The following GPATCH2 variants were observed in gnomAD, a reference collection of about 807,000 sequenced individuals.
GPATCH2 encodes G patch domain-containing protein 2.
Under a neutral mutation model 58.0 loss-of-function variants are expected in GPATCH2, and 51 were observed. The ratio of observed to expected loss-of-function variants is 0.88; its 90% confidence interval spans 0.70 to 1.11. The LOEUF (loss-of-function observed/expected upper bound fraction) is 1.11, where lower values mean the gene tolerates loss of function less well. Ranked by LOEUF, GPATCH2 falls within the 50% of genes most tolerant of loss-of-function variation. GPATCH2 has a pLI of 0.00. For missense variants in GPATCH2, 625 were observed against 652.2 expected (o/e 0.96, Z 0.45); for synonymous variants, 222 against 218.5 (o/e 1.02, Z -0.14).
At chr1:217,506,720 C>T (rs1571826455) in intron 6 of GPATCH2, among the ~76,000 whole-genome samples, 1 of 152,168 alleles carries the variant, frequency 6.6e-6, no homozygotes, top group East Asian at 1.9e-4. Context: ...TGCTCCTTGC[C>T]GAACCTTCTC....
chr1:217,484,186 TG>T (rs1661341876), intron 8 of GPATCH2, among the ~76,000 whole-genome samples: 1 of 152,172 alleles, frequency 6.6e-6, no homozygotes, highest in Non-Finnish European at 1.5e-5. Context: ...ATTGGTAGAC[TG>T]AGTAGATTTA....
chr1:217,526,850 A>G (rs909048545), intron 5 of GPATCH2, among the ~76,000 whole-genome samples: 25 of 152,158 alleles, frequency 1.6e-4, no homozygotes, highest in Admixed American at 2.6e-4. Flanking sequence ...GCTTCCTGAG[A>G]GATCAGTGGT....
intron 6 of GPATCH2, among the ~76,000 whole-genome samples, chr1:217,503,252 A>G (rs902157101): frequency 7.9e-5 from 12 of 152,132 alleles, no homozygotes; most frequent in Admixed American, 7.9e-4. Context: ...TGGAGGGGCC[A>G]CTGGTGAACT....
chr1:217,476,025 AAACT>A (rs775174898), intron 8 of GPATCH2, among the ~76,000 whole-genome samples: 8 of 152,256 alleles, frequency 5.3e-5, no homozygotes, highest in Non-Finnish European at 1.2e-4. Context: ...GCCACCAAGA[AAACT>A]AACTGAGAGG....
At chr1:217,630,446 T>G (rs867321591) in intron 1 of GPATCH2, among the ~76,000 whole-genome samples, 6 of 152,268 alleles carry the variant, frequency 3.9e-5, no homozygotes, top group Non-Finnish European at 8.8e-5. Context: ...AACAGGTAGG[T>G]TACCCTCTCT....
chr1:217,514,918 A>T (rs758161590), intron 5 of GPATCH2, 29 bp from the exon 6 acceptor site: 1 of 1,096,058 alleles, frequency 9.1e-7, no homozygotes, highest in Admixed American at 1.7e-5. Context: ...AGAAAAAATA[A>T]ATTTCAGATT....
chr1:217,551,462 C>G (rs935984960), intron 5 of GPATCH2, among the ~76,000 whole-genome samples: 1 of 152,050 alleles, frequency 6.6e-6, no homozygotes, highest in Non-Finnish European at 1.5e-5. Flanking sequence ...ATTTAACAAG[C>G]CTTCCAGCTG....
At position 217,431,491 on chromosome 1, in the gene GPATCH2, G is replaced by A. The variant is rs541240050; in HGVS notation, c.1367-126C>T. On this transcript the variant is annotated intron_variant, in intron 9 of 9. Coordinates refer to ENST00000366935, the MANE Select transcript of GPATCH2 (RefSeq NM_018040.5). ...TTTCAACCAGGTACTAGAGGGGGTT[G>A]CGTATTCATCTTTGGATACTTTTTG... 58 of 643,064 alleles carry A rather than the reference G, an allele frequency of 9.0e-5. No homozygotes were observed. The African/African-American group carries it at 9.3e-4, about 10-fold the overall frequency. 39.8% of individuals were successfully genotyped at this position (643,064 alleles called of 1,614,324 possible). A position where few individuals can be genotyped will look rare whatever the true frequency, so the allele number is the denominator to read the frequency against.
intron 5 of GPATCH2, among the ~76,000 whole-genome samples, chr1:217,593,239 G>C (rs1667672382): frequency 6.6e-6 from 1 of 151,924 alleles, no homozygotes; most frequent in Non-Finnish European, 1.5e-5. Context: ...TGGCACAAAT[G>C]TATCAAAAAC....
intron 1 of GPATCH2, among the ~76,000 whole-genome samples, chr1:217,627,360 G>A (rs942943275): frequency 2.6e-5 from 4 of 151,726 alleles, no homozygotes; most frequent in Non-Finnish European, 4.4e-5. Flanking sequence ...TCTGAATGTC[G>A]GGAAAAGGAA....
chr1:217,490,152 A>G (rs781741531), intron 8 of GPATCH2, among the ~76,000 whole-genome samples: 1 of 152,176 alleles, frequency 6.6e-6, no homozygotes, highest in Non-Finnish European at 1.5e-5. Context: ...CCAGGTACAT[A>G]GTTCCAGGTT....
intron 6 of GPATCH2, among the ~76,000 whole-genome samples, chr1:217,512,761 C>G (rs1662916716): frequency 1.3e-5 from 2 of 152,156 alleles, no homozygotes; most frequent in South Asian, 4.1e-4. Context: ...CTGTTTAGTT[C>G]CTTAGGCAGA....
chr1:217,511,117 T>C (rs1358975344), intron 6 of GPATCH2, among the ~76,000 whole-genome samples: 1 of 151,678 alleles, frequency 6.6e-6, no homozygotes, highest in African/African-American at 2.4e-5. Flanking sequence ...ATAAAATAAA[T>C]AAAATAAAAT....
intron 8 of GPATCH2, among the ~76,000 whole-genome samples, chr1:217,471,615 T>C (rs553881418): frequency 6.6e-6 from 1 of 152,214 alleles, no homozygotes; most frequent in African/African-American, 2.4e-5. Context: ...GTGTTCTGTA[T>C]TAATGTAAAT....
intron 5 of GPATCH2, among the ~76,000 whole-genome samples, chr1:217,525,166 C>T (rs1170459221): frequency 6.6e-6 from 1 of 151,768 alleles, no homozygotes; most frequent in Non-Finnish European, 1.5e-5. Flanking sequence ...ATTGTTCTCA[C>T]ATGTAACAAT....
chr1:217,547,993 C>T (rs12043318), intron 5 of GPATCH2, among the ~76,000 whole-genome samples: 34,286 of 152,072 alleles, frequency 0.23, 4,905 homozygotes, highest in East Asian at 0.45. Flanking sequence ...GCTTGCCTTC[C>T]TTTTGCCTTC....
chr1:217,578,728 T>A (rs1558499407), intron 5 of GPATCH2, among the ~76,000 whole-genome samples: 1 of 152,240 alleles, frequency 6.6e-6, no homozygotes, highest in Non-Finnish European at 1.5e-5. Context: ...ACTTACTACA[T>A]CTTTTGTCTT....
At chr1:217,563,904 C>T (rs1334203431) in intron 5 of GPATCH2, among the ~76,000 whole-genome samples, 2 of 151,742 alleles carry the variant, frequency 1.3e-5, no homozygotes, top group African/African-American at 4.8e-5. Context: ...ATTAGCCAGG[C>T]GTGGTGGCGC....
chr1:217,451,799 G>A (rs1034671428), intron 8 of GPATCH2, among the ~76,000 whole-genome samples: 2 of 152,142 alleles, frequency 1.3e-5, no homozygotes, highest in Admixed American at 1.3e-4. Flanking sequence ...TCTGCAGTGC[G>A]GGTCTTCTGT....
Sources: allele counts gnomAD v4.1 joint callset (sites outside exome capture counted in the v4.1 genomes callset), GRCh38; gene constraint gnomAD v4.1.1; transcripts MANE v1.5; gene names NCBI Gene and HGNC (gene_info 2026-07-23, HGNC 2026-07-21).